TCEANC2: variants seen among roughly 807,000 people sequenced by gnomAD.
TCEANC2 encodes the protein transcription elongation factor A N-terminal and central domain-containing protein 2.
Under a neutral mutation model 22.8 loss-of-function variants are expected in TCEANC2, and 20 were observed. That is an observed-to-expected ratio of 0.88 (90% confidence interval 0.62 to 1.28). The LOEUF is 1.28. Among genes scored for constraint, TCEANC2 ranks in the 50% most tolerant of loss-of-function variants. The pLI is 0.00. For synonymous variants in TCEANC2, 84 were observed against 95.5 expected, an observed-to-expected ratio of 0.88 and a Z score of 0.70; for missense variants, 251 against 249.7, an observed-to-expected ratio of 1.01 and a Z score of -0.03.
intron 4 of TCEANC2, among the ~76,000 whole-genome samples, chr1:54,094,771 T>TA (rs965224865): frequency 6.6e-6 from 1 of 151,930 alleles, no homozygotes; most frequent in African/African-American, 2.4e-5. Flanking sequence ...AGGTTAAAGG[T>TA]AAAAAAGGAA....
chr1:54,056,285 A>G (rs1343827640), intron 2 of TCEANC2, among the ~76,000 whole-genome samples: 1 of 151,940 alleles, frequency 6.6e-6, no homozygotes, highest in Non-Finnish European at 1.5e-5. Flanking sequence ...TACACCTACA[A>G]ACACCCATAT....
downstream of TCEANC2, among the ~76,000 whole-genome samples, chr1:54,106,751 A>G (rs1314204538): frequency 5.9e-5 from 9 of 151,834 alleles, no homozygotes; most frequent in Non-Finnish European, 1.3e-4. Context: ...ATAGAAACAT[A>G]TTGAGAAAAA....
chr1:54,087,308 T>C (rs1658356976), intron 3 of TCEANC2, among the ~76,000 whole-genome samples: 1 of 152,206 alleles, frequency 6.6e-6, no homozygotes, highest in Non-Finnish European at 1.5e-5. Flanking sequence ...ATTTTTATTA[T>C]GAAATTCTCA....
At chr1:54,078,576 C>T (rs1658185096) in intron 3 of TCEANC2, among the ~76,000 whole-genome samples, 1 of 152,046 alleles carries the variant, frequency 6.6e-6, no homozygotes, top group South Asian at 2.1e-4. Flanking sequence ...AGTTAATGTC[C>T]CTAGAGTTTT....
In TCEANC2 at chr1:54,099,747, AAAAAAAAAAAAAAGAG is replaced by A. The variant is rs1485242243; in HGVS notation, c.*3280_*3295del. On this transcript the variant is annotated 3_prime_UTR_variant, in exon 5 of 5. Transcript: ENST00000234827. ...CAACAGAGTGAGACTCTGTCTCAAA[AAAAAAAAAAAAAAGAG>A]AAAAAGAAAAAAGTTGCCCCTGAAA... 2 of 150,364 alleles carry A rather than the reference AAAAAAAAAAAAAAGAG, an allele frequency of 1.3e-5. No individual in the cohort carries two copies. The highest frequency in any genetic ancestry group is 4.9e-5 in the African/African-American group (2 of 40,886). The allele number at this position is 150,364 out of a possible 1,614,324, so 9.3% of individuals were successfully genotyped here. A position where few individuals can be genotyped will look rare whatever the true frequency, so the allele number is the denominator to read the frequency against.
chr1:54,068,323 A>G (rs186004309), intron 2 of TCEANC2, among the ~76,000 whole-genome samples: 111 of 152,328 alleles, frequency 7.3e-4, no homozygotes, highest in African/African-American at 2.5e-3. Flanking sequence ...TTTGAATTTT[A>G]TCCTCTAGGA....
intron 4 of TCEANC2, among the ~76,000 whole-genome samples, chr1:54,093,271 C>A (rs1658481768): frequency 6.6e-6 from 1 of 152,116 alleles, no homozygotes. Context: ...AAACTCTGGT[C>A]CTTCCACCCA....
intron 2 of TCEANC2, among the ~76,000 whole-genome samples, chr1:54,063,902 G>C (rs942796799): frequency 2.6e-5 from 4 of 152,162 alleles, no homozygotes; most frequent in Non-Finnish European, 5.9e-5. Flanking sequence ...ACCTATGGTT[G>C]GTTGAATCCA....
At chr1:54,057,563 G>A (rs12062382) in intron 2 of TCEANC2, among the ~76,000 whole-genome samples, 1 of 151,862 alleles carries the variant, frequency 6.6e-6, no homozygotes, top group African/African-American at 2.4e-5. Context: ...TTTAAGTTCA[G>A]AATCATACTT....
intron 4 of TCEANC2, among the ~76,000 whole-genome samples, chr1:54,094,338 C>T (rs757551978): frequency 2.0e-5 from 3 of 152,196 alleles, no homozygotes; most frequent in Middle Eastern, 3.4e-3. Context: ...GTCAGGTGAC[C>T]CCTTTTTATT....
intron 4 of TCEANC2, among the ~76,000 whole-genome samples, chr1:54,094,654 C>A (rs1446317608): frequency 6.6e-6 from 1 of 152,228 alleles, no homozygotes; most frequent in Non-Finnish European, 1.5e-5. Context: ...CCCAAGGGCC[C>A]AAGGGCTGAG....
At chr1:54,092,297 A>C (rs1246273889) in intron 4 of TCEANC2, among the ~76,000 whole-genome samples, 2 of 152,192 alleles carry the variant, frequency 1.3e-5, no homozygotes, top group African/African-American at 4.8e-5. Context: ...CGATTAATTA[A>C]AATATGAGGC....
intron 2 of TCEANC2, among the ~76,000 whole-genome samples, chr1:54,067,632 A>G (rs367728426): frequency 1.4e-4 from 22 of 152,330 alleles, no homozygotes; most frequent in African/African-American, 4.8e-4. Flanking sequence ...GAGGAAGAGA[A>G]GCAAAGTTGG....
rs1336712945 is a variant in TCEANC2 at position 54,104,791 on chromosome 1, C to G, written c.*8318C>G. The G allele has an allele frequency of 1.5e-5, 6 of 412,652 alleles. No individual in the cohort carries two copies. The highest frequency in any genetic ancestry group is 8.6e-5 in the South Asian group (5 of 58,184). The allele number at this position is 412,652 out of a possible 1,614,324, so 25.6% of individuals were successfully genotyped here. On this transcript the variant is annotated 3_prime_UTR_variant, in exon 5 of 5. Coordinates refer to ENST00000234827, the MANE Select transcript of TCEANC2 (RefSeq NM_153035.3). ...TTCTGGCCTCAAGCAGTCCACCTGC[C>G]TCAGCTTCCCAAAGTGCTGGGATTA...
intron 2 of TCEANC2, among the ~76,000 whole-genome samples, chr1:54,055,761 T>C (rs569550055): frequency 8.3e-4 from 127 of 152,338 alleles, no homozygotes; most frequent in South Asian, 1.4e-3. Context: ...GAGACCCATA[T>C]TGGAAAGCAG....
intron 2 of TCEANC2, among the ~76,000 whole-genome samples, chr1:54,057,347 A>ATTT (rs1163556776): frequency 0.055 from 4,751 of 85,876 alleles, 132 homozygotes; most frequent in East Asian, 0.16. Flanking sequence ...CACCTGGCTA[A>ATTT]TTTTTTTTTT....
At chr1:54,084,483 G>C (rs981372902) in intron 3 of TCEANC2, among the ~76,000 whole-genome samples, 9 of 152,118 alleles carry the variant, frequency 5.9e-5, no homozygotes, top group Non-Finnish European at 1.3e-4. Context: ...CACTTTGGCA[G>C]GTAAAATGTA....
Position 54,104,806 on chromosome 1 carries a change from T to A in TCEANC2, c.*8333T>A. The A allele has an allele frequency of 2.5e-6, 1 of 401,240 alleles. No individual in the cohort carries two copies. Among genetic ancestry groups the A allele is most frequent in the South Asian group, 1.8e-5 (1 of 56,018 alleles). 24.9% of individuals were successfully genotyped at this position (401,240 alleles called of 1,614,324 possible). A position where few individuals can be genotyped will look rare whatever the true frequency, so the allele number is the denominator to read the frequency against. ...GTCCACCTGCCTCAGCTTCCCAAAG[T>A]GCTGGGATTACAGGCGTGAGCCACT... On this transcript the variant is annotated 3_prime_UTR_variant, in exon 5 of 5. Coordinates refer to ENST00000234827, the MANE Select transcript of TCEANC2 (RefSeq NM_153035.3).
intron 4 of TCEANC2, among the ~76,000 whole-genome samples, chr1:54,094,146 G>A (rs191140345): frequency 2.8e-4 from 43 of 152,314 alleles, no homozygotes; most frequent in Admixed American, 2.6e-3. Flanking sequence ...ACTTTTGTGA[G>A]CACCTTTTGT....
Sources: allele counts gnomAD v4.1 joint callset (sites outside exome capture counted in the v4.1 genomes callset), GRCh38; gene constraint gnomAD v4.1.1; transcripts MANE v1.5; gene names NCBI Gene and HGNC (gene_info 2026-07-23, HGNC 2026-07-21).